The following TSPAN18 variants were observed in gnomAD, a reference collection of about 807,000 sequenced individuals.
The protein encoded by TSPAN18 is tetraspanin-18.
TSPAN18 carries 14 observed loss-of-function variants against 27.3 expected under a neutral mutation model. The observed-to-expected ratio is 0.51, with a 90% confidence interval of 0.34 to 0.80. The LOEUF (loss-of-function observed/expected upper bound fraction) is 0.80, where lower values mean the gene tolerates loss of function less well. TSPAN18 is among the 30% of genes least tolerant of loss of function. TSPAN18 has a pLI of 0.01. For missense variants in TSPAN18, 268 were observed against 323.9 expected (o/e 0.83, Z 1.32); for synonymous variants, 143 against 136.5 (o/e 1.05, Z -0.33).
chr11:44,823,435 A>T (rs879195159), intron 2 of TSPAN18, among the ~76,000 whole-genome samples: 1 of 152,218 alleles, frequency 6.6e-6, no homozygotes, highest in African/African-American at 2.4e-5. Flanking sequence ...GGCTGGGTCC[A>T]GGGCTTTTTA....
intron 2 of TSPAN18, among the ~76,000 whole-genome samples, chr11:44,786,453 A>G (rs928851787): frequency 2.7e-5 from 4 of 150,886 alleles, no homozygotes; most frequent in Non-Finnish European, 5.9e-5. Context: ...TCAGAGTGAA[A>G]CTCGGTGATG....
intron 2 of TSPAN18, among the ~76,000 whole-genome samples, chr11:44,830,909 T>C (rs1857139391): frequency 2.6e-5 from 4 of 152,096 alleles, no homozygotes; most frequent in Admixed American, 2.6e-4. Flanking sequence ...AGAGATGTTT[T>C]CCAATTGTTG....
intron 1 of TSPAN18, among the ~76,000 whole-genome samples, chr11:44,729,737 C>A (rs1031175504): frequency 1.3e-5 from 2 of 152,116 alleles, no homozygotes; most frequent in Non-Finnish European, 2.9e-5. Flanking sequence ...GTTTAGGACA[C>A]CTTGGGCTGA....
At position 44,763,314 on chromosome 11, in the gene TSPAN18, CCAATCTCT is replaced by C. The variant is rs529046612; in HGVS notation, c.-239-1111_-239-1104del. 2.5e-3 allele frequency among the ~76,000 whole-genome samples: 376 copies of C among 152,238 alleles called. 3 individuals are homozygous for C. Among genetic ancestry groups the C allele is most frequent in the African/African-American group, 8.7e-3 (360 of 41,526 alleles). On this transcript the variant is annotated intron_variant, in intron 1 of 9. Coordinates refer to ENST00000520358, the MANE Select transcript of TSPAN18 (RefSeq NM_130783.5). The stretch of plus-strand genomic sequence containing the variant: ...TTTCTCAGCTGTGCATGTGACTGAG[CCAATCTCT>C]TGGGACTGGCCTGTCTCTGCTGGCA...
At chr11:44,779,749 G>T (rs929135072) in intron 2 of TSPAN18, among the ~76,000 whole-genome samples, 10 of 151,990 alleles carry the variant, frequency 6.6e-5, no homozygotes, top group South Asian at 6.2e-4. Context: ...CCACATACCT[G>T]TGCACACCTA....
chr11:44,826,549 C>G (rs1427221849), intron 2 of TSPAN18, among the ~76,000 whole-genome samples: 1 of 152,230 alleles, frequency 6.6e-6, no homozygotes, highest in Non-Finnish European at 1.5e-5. Context: ...TGCTGTGTGC[C>G]AGGCACTGCT....
At chr11:44,883,452 G>A (rs1404482269) in intron 3 of TSPAN18, among the ~76,000 whole-genome samples, 1 of 152,204 alleles carries the variant, frequency 6.6e-6, no homozygotes, top group Non-Finnish European at 1.5e-5. Flanking sequence ...TCTTTTCCGT[G>A]TTTCATGCGG....
chr11:44,865,601 C>T (rs990608502), intron 3 of TSPAN18, among the ~76,000 whole-genome samples: 1 of 152,204 alleles, frequency 6.6e-6, no homozygotes, highest in Non-Finnish European at 1.5e-5. Flanking sequence ...CTCTTCCCTC[C>T]ACCTGCCAAC....
At chr11:44,870,047 C>G (rs935915098) in intron 3 of TSPAN18, among the ~76,000 whole-genome samples, 2 of 152,246 alleles carry the variant, frequency 1.3e-5, no homozygotes, top group African/African-American at 4.8e-5. Flanking sequence ...TTTCTGCAAT[C>G]CTGTTTTGCC....
chr11:44,841,305 T>G (rs1192873644), intron 2 of TSPAN18, among the ~76,000 whole-genome samples: 4 of 152,052 alleles, frequency 2.6e-5, no homozygotes, highest in South Asian at 2.1e-4. Context: ...TCACTTGAGG[T>G]CAGGAGTTCA....
At chr11:44,900,208 A>G (rs7941711) in intron 3 of TSPAN18, among the ~76,000 whole-genome samples, 9,953 of 152,224 alleles carry the variant, frequency 0.065, 387 homozygotes, top group Middle Eastern at 0.16. Flanking sequence ...GTAGGCCTCT[A>G]TAGGGGATGG....
intron 3 of TSPAN18, among the ~76,000 whole-genome samples, chr11:44,882,289 G>A (rs542214466): frequency 6.6e-6 from 1 of 152,270 alleles, no homozygotes; most frequent in South Asian, 2.1e-4. Context: ...GCAGCTGGGG[G>A]GAAATGAAAC....
At chr11:44,888,277 G>A (rs963312607) in intron 3 of TSPAN18, among the ~76,000 whole-genome samples, 15 of 152,176 alleles carry the variant, frequency 9.9e-5, no homozygotes, top group East Asian at 9.6e-4. Flanking sequence ...ACTGGGCCAC[G>A]TGGGAAGCTT....
At chr11:44,736,047 A>G (rs2134806497) in intron 1 of TSPAN18, 1 of 152,300 alleles carries the variant, frequency 6.6e-6, no homozygotes, top group South Asian at 2.1e-4. Flanking sequence ...TTTACTGTCA[A>G]AGAAGTCAGT....
intron 2 of TSPAN18, among the ~76,000 whole-genome samples, chr11:44,831,261 C>T (rs539599651): frequency 1.3e-5 from 2 of 152,272 alleles, no homozygotes; most frequent in South Asian, 4.2e-4. Flanking sequence ...CTGAGGACCC[C>T]CATCTGTTCC....
At chr11:44,773,571 T>C (rs897735802) in intron 2 of TSPAN18, among the ~76,000 whole-genome samples, 1 of 152,212 alleles carries the variant, frequency 6.6e-6, no homozygotes, top group South Asian at 2.1e-4. Flanking sequence ...TTAGGTTTGT[T>C]TCAAAATTCC....
At chr11:44,764,579 CTTCTT>C (rs1410778199) in intron 2 of TSPAN18, 67 bp downstream of exon 2, 3 of 152,276 alleles carry the variant, frequency 2.0e-5, no homozygotes, top group African/African-American at 4.8e-5. Flanking sequence ...ACTCTTCTCT[CTTCTT>C]CTCTTCCTGC....
intron 2 of TSPAN18, among the ~76,000 whole-genome samples, chr11:44,805,512 C>T (rs566374336): frequency 6.6e-5 from 10 of 152,206 alleles, no homozygotes; most frequent in African/African-American, 2.4e-4. Context: ...AGATTGGGGC[C>T]CTGGGCCAGG....
chr11:44,881,245 T>A (rs1337193548), intron 3 of TSPAN18, among the ~76,000 whole-genome samples: 1 of 152,136 alleles, frequency 6.6e-6, no homozygotes, highest in Admixed American at 6.5e-5. Context: ...CTCCTCTTGT[T>A]ATTGGTTGTT....
Sources: gnomAD v4.1 joint callset for allele counts (sites outside exome capture counted in the v4.1 genomes callset) on GRCh38, gnomAD v4.1.1 for gene constraint, MANE v1.5 for transcripts, NCBI Gene and HGNC (gene_info 2026-07-23, HGNC 2026-07-21) for gene names.